AFDN: variants seen among roughly 807,000 people sequenced by gnomAD.
AFDN encodes the protein afadin, adherens junction formation factor.
Under a neutral mutation model 216.6 loss-of-function variants are expected in AFDN, and 68 were observed. The observed-to-expected ratio is 0.31, with a 90% CI of 0.26 to 0.38. The LOEUF (loss-of-function observed/expected upper bound fraction) is 0.38. Among genes scored for constraint, AFDN ranks in the 10% least tolerant of loss-of-function variants. The pLI is 1.00. For missense variants in AFDN, 2,136 were observed against 2,342.0 expected, an observed-to-expected ratio of 0.91 and a Z score of 1.82; for synonymous variants, 868 against 853.7, an observed-to-expected ratio of 1.02 and a Z score of -0.29.
chr6:167,832,963 A>G (rs764812947), intron 1 of AFDN, among the ~76,000 whole-genome samples: 7 of 152,236 alleles, frequency 4.6e-5, no homozygotes, highest in Non-Finnish European at 1.0e-4. Context: ...ACTATTAATA[A>G]TTATACCAGG....
intron 1 of AFDN, among the ~76,000 whole-genome samples, chr6:167,858,661 G>T (rs985394016): frequency 6.6e-6 from 1 of 152,132 alleles, no homozygotes; most frequent in Non-Finnish European, 1.5e-5. Flanking sequence ...AAAATTTAAC[G>T]AAGTCATTTG....
chr6:167,923,132 T>C (rs1245023162), intron 22 of AFDN, 173 bp downstream of exon 22: 32 of 532,470 alleles, frequency 6.0e-5, no homozygotes, highest in Admixed American at 5.9e-4. Context: ...ATGTATTTTT[T>C]CCTCCCAAGC....
intron 12 of AFDN, among the ~76,000 whole-genome samples, chr6:167,905,301 A>G (rs748588070): frequency 1.1e-4 from 17 of 152,130 alleles, no homozygotes; most frequent in South Asian, 2.1e-4. Context: ...CTGTATTTCT[A>G]TTGCACTTTT....
intron 21 of AFDN, among the ~76,000 whole-genome samples, chr6:167,921,300 T>G (rs1272106920): frequency 6.6e-6 from 1 of 152,208 alleles, no homozygotes; most frequent in East Asian, 1.9e-4. Flanking sequence ...CTCTCTTAAA[T>G]GATTAATGTT....
chr6:167,896,977 G>A lies in AFDN; in HGVS notation c.1317+5G>A, dbSNP rs751849123. The A allele has an allele frequency of 1.8e-4, 277 of 1,570,794 alleles. 4 individuals carry two copies. In the South Asian group the frequency reaches 2.8e-3, roughly 16 times the overall value. On this transcript the variant is annotated splice_donor_5th_base_variant and intron_variant, in intron 10 of 33. Coordinates refer to ENST00000683244, the MANE Select transcript of AFDN (RefSeq NM_001386888.1). ...TTGGATGACAACTCTATCCAGGTACGTAGTCTGAGCTTCCTGCTGCAACTC... is the reference window on the plus strand; with the variant it reads ...TTGGATGACAACTCTATCCAGGTACATAGTCTGAGCTTCCTGCTGCAACTC...
chr6:167,935,304 G>T (rs1308082237), intron 23 of AFDN, among the ~76,000 whole-genome samples: 5 of 152,164 alleles, frequency 3.3e-5, no homozygotes, highest in Non-Finnish European at 7.3e-5. Context: ...AAGGATACAA[G>T]ATCTAAATCT....
intron 3 of AFDN, among the ~76,000 whole-genome samples, chr6:167,871,089 A>G (rs967192905): frequency 1.3e-5 from 2 of 152,088 alleles, no homozygotes; most frequent in African/African-American, 4.8e-5. Flanking sequence ...TATTTTTATG[A>G]AAAATCTTCC....
intron 12 of AFDN, 56 bp downstream of exon 12, chr6:167,902,442 G>T: frequency 7.9e-7 from 1 of 1,266,268 alleles, no homozygotes; most frequent in Non-Finnish European, 1.2e-6. Flanking sequence ...CACCATGGAT[G>T]AATACAGTAG....
chr6:167,895,645 C>T (rs1227391048), intron 9 of AFDN, among the ~76,000 whole-genome samples: 2 of 152,178 alleles, frequency 1.3e-5, no homozygotes, highest in African/African-American at 4.8e-5. Context: ...ACAGGACTTG[C>T]ATTTTTATGG....
At chr6:167,912,010 C>A in intron 15 of AFDN, 1 of 168,844 alleles carries the variant, frequency 5.9e-6, no homozygotes, top group Admixed American at 5.5e-5. Context: ...TCACTTGCTC[C>A]TGTGTAATGA....
At chr6:167,948,575 TG>T in intron 29 of AFDN, 97 bp downstream of exon 29, 1 of 1,196,968 alleles carries the variant, frequency 8.4e-7, no homozygotes, top group Non-Finnish European at 1.1e-6. Context: ...ACAGCATTGT[TG>T]GCCTTTTGTT....
At chr6:167,925,135 G>C (rs372814121) in intron 23 of AFDN, 44 bp downstream of exon 23, 1 of 1,381,080 alleles carries the variant, frequency 7.2e-7, no homozygotes, top group East Asian at 2.3e-5. Context: ...CCAGTCTTTC[G>C]GCATTGAATC....
At chr6:167,829,416 C>G (rs140939236) in intron 1 of AFDN, among the ~76,000 whole-genome samples, 125 of 152,104 alleles carry the variant, frequency 8.2e-4, no homozygotes, top group African/African-American at 2.8e-3. Flanking sequence ...CCAACAGTTT[C>G]AATTTGCTTT....
At chr6:167,839,288 A>G (rs928500983) in intron 1 of AFDN, among the ~76,000 whole-genome samples, 1 of 152,194 alleles carries the variant, frequency 6.6e-6, no homozygotes, top group Non-Finnish European at 1.5e-5. Context: ...ATGAACAGCA[A>G]ACGTTTCGGA....
intron 30 of AFDN, among the ~76,000 whole-genome samples, chr6:167,954,235 T>C (rs1796282644): frequency 6.6e-6 from 1 of 152,250 alleles, no homozygotes; most frequent in South Asian, 2.1e-4. Context: ...TTTTATTTTC[T>C]ATGTATCCTA....
Position 167,873,103 on chromosome 6 carries a change from A to G in AFDN, c.578+726A>G, listed in dbSNP as rs371810480. On this transcript the variant is annotated intron_variant, in intron 4 of 33. Transcript: ENST00000683244. ...GCTTGCTGTTGCCTTGGTCTTGACT[A>G]CATGGTATTCTATACATTACTTTTC... Among the ~76,000 whole-genome samples, 45 of 152,346 alleles carry G rather than the reference A, an allele frequency of 3.0e-4. 1 individual carries two copies. The East Asian group carries it at 3.3e-3, about 11-fold the overall frequency.
At chr6:167,915,513 G>GCAGCAAAAC in intron 19 of AFDN, 80 bp downstream of exon 19, 1 of 1,488,622 alleles carries the variant, frequency 6.7e-7, no homozygotes, top group Non-Finnish European at 9.0e-7. Context: ...GAGCTTCAAT[G>GCAGCAAAAC]CAGCAAAACC....
At position 167,844,510 on chromosome 6, in the gene AFDN, C is replaced by G. The variant is rs529230144; in HGVS notation, c.105+17273C>G. Among the ~76,000 whole-genome samples the G allele has an allele frequency of 5.1e-4, 77 of 152,228 alleles. 1 individual carries two copies. In the Middle Eastern group the frequency reaches 0.027, roughly 54 times the overall value. On this transcript the variant is annotated intron_variant, in intron 1 of 33. Coordinates refer to ENST00000683244, the MANE Select transcript of AFDN (RefSeq NM_001386888.1). The stretch of plus-strand genomic sequence containing the variant: ...TCATTTTCTTAACTATTAATGAACA[C>G]TTTGACTGTTTCCACAGTACACTGT...
chr6:167,916,909 A>G (rs1791150388), intron 19 of AFDN, among the ~76,000 whole-genome samples, 180 bp from the exon 20 acceptor site: 1 of 152,174 alleles, frequency 6.6e-6, no homozygotes, highest in South Asian at 2.1e-4. Context: ...TTTACAAGAT[A>G]ATGCTTTTAG....
Sources: allele counts gnomAD v4.1 joint callset (sites outside exome capture counted in the v4.1 genomes callset), GRCh38; gene constraint gnomAD v4.1.1; transcripts MANE v1.5; gene names NCBI Gene and HGNC (gene_info 2026-07-23, HGNC 2026-07-21).